Variants in TUBB4A observed in about 807,000 individuals in gnomAD.
TUBB4A encodes tubulin beta-4A chain.
Under a neutral mutation model 35.1 loss-of-function variants are expected in TUBB4A, and 13 were observed. The ratio of observed to expected loss-of-function variants is 0.37; its 90% CI spans 0.24 to 0.59. TUBB4A has a LOEUF of 0.59. Ranked by LOEUF, TUBB4A falls within the 20% of genes least tolerant of loss-of-function variation. The probability of loss-of-function intolerance (pLI) is 0.71; values close to 1 mark genes in which losing one functional copy is unlikely to be tolerated. For synonymous variants in TUBB4A, 279 were observed against 272.4 expected, an observed-to-expected ratio of 1.02 and a Z score of -0.24; for missense variants, 299 against 647.2, an observed-to-expected ratio of 0.46 and a Z score of 5.84.
intron 3 of TUBB4A, among the ~76,000 whole-genome samples, chr19:6,497,811 T>C (rs1393747621): frequency 7.0e-6 from 1 of 143,338 alleles, no homozygotes; most frequent in East Asian, 2.0e-4. Context: ...CGGGCGCCTG[T>C]AGTCCCAGCT....
rs371557242 is a variant in TUBB4A, at chr19:6,501,444, C to T, written c.167-47G>A. The T allele has an allele frequency of 5.0e-6, 8 of 1,604,800 alleles. No homozygotes were observed. The highest frequency in any genetic ancestry group is 6.8e-6 in the Non-Finnish European group (8 of 1,173,430). On this transcript the variant is annotated intron_variant, in intron 2 of 3. Transcript: ENST00000264071. The surrounding 1 kb of genome is among the most constrained non-coding windows in gnomAD (Gnocchi z 4.2). ...GCAGTTCGATGCGTGCCAGGAACCACAGGCGCCCGGTAGCATCCTGTTCCC... is the reference window on the plus strand; with the variant it reads ...GCAGTTCGATGCGTGCCAGGAACCATAGGCGCCCGGTAGCATCCTGTTCCC...
chr19:6,502,345 G>A, upstream of TUBB4A: 1 of 997,580 alleles, frequency 1.0e-6, no homozygotes, highest in Non-Finnish European at 1.4e-6. Flanking sequence ...ATATGAGCGG[G>A]CGGGGCACGC....
Position 6,501,660 on chromosome 19 carries a change from GAAGCCGGTGGCC to G in TUBB4A, c.58-49_58-38del, listed in dbSNP as rs1036512421. ...GGTGGTCGGAAGAGTTGAGAGAGGGGAAGCCGGTGGCCAAGCCGAGGACTGCCCCCAGCCCCC... is the reference window on the plus strand; with the variant it reads ...GGTGGTCGGAAGAGTTGAGAGAGGGGAAGCCGAGGACTGCCCCCAGCCCCC... On this transcript the variant is annotated intron_variant, in intron 1 of 3. Transcript: ENST00000264071. The surrounding 1 kb of genome is among the most constrained non-coding windows in gnomAD (Gnocchi z 4.2). 3 of 1,578,396 alleles carry G rather than the reference GAAGCCGGTGGCC, an allele frequency of 1.9e-6. No homozygotes were observed. The highest frequency in any genetic ancestry group is 2.6e-6 in the Non-Finnish European group (3 of 1,154,552).
chr19:6,494,812 A>T lies in TUBB4A; in HGVS notation c.*352T>A. The T allele has an allele frequency of 2.7e-6, 1 of 375,564 alleles. No individual in the cohort carries two copies. Among genetic ancestry groups the T allele is most frequent in the African/African-American group, 2.0e-5 (1 of 48,908 alleles). 23.3% of individuals were successfully genotyped at this position (375,564 alleles called of 1,614,324 possible). On this transcript the variant is annotated 3_prime_UTR_variant, in exon 4 of 4. Coordinates refer to ENST00000264071, the MANE Select transcript of TUBB4A (RefSeq NM_006087.4). Reference sequence around the variant, plus strand: ...AACCAGAACTTATAGGTCTAGAGGTAAAATGGGATTCATGGGGGGCAGAGG... The same window carrying T: ...AACCAGAACTTATAGGTCTAGAGGTTAAATGGGATTCATGGGGGGCAGAGG...
At chr19:6,498,210 CAA>C (rs33975406) in intron 3 of TUBB4A, among the ~76,000 whole-genome samples, 1 of 139,314 alleles carries the variant, frequency 7.2e-6, no homozygotes, top group Non-Finnish European at 1.5e-5. Flanking sequence ...GACTTTGTCT[CAA>C]AAAAAAAAAA....
chr19:6,495,042 G>C lies in TUBB4A; in HGVS notation c.*122C>G. On this transcript the variant is annotated 3_prime_UTR_variant, in exon 4 of 4. Coordinates refer to ENST00000264071, the MANE Select transcript of TUBB4A (RefSeq NM_006087.4). This position sits in a 1 kb window ranked among gnomAD's most constrained non-coding sequence, Gnocchi z 8.7. ...AGGTAAAGCGAGCTCCAAAGGTATT[G>C]TTAGGGTCAGCGGGGAGTCAGCCTT... 1.7e-6 allele frequency: 2 copies of C among 1,205,060 alleles called. No individual in the cohort carries two copies. The highest frequency in any genetic ancestry group is 2.3e-6 in the Non-Finnish European group (2 of 861,048). 74.6% of individuals were successfully genotyped at this position (1,205,060 alleles called of 1,614,324 possible). A position where few individuals can be genotyped will look rare whatever the true frequency, so the allele number is the denominator to read the frequency against.
rs752308629 is a variant in TUBB4A, at chr19:6,502,197, G to C, written c.16C>G (p.His6Asp). The change falls in exon 1 of 4, where the codon CAC (histidine) becomes GAC (aspartate). Residue 6 changes from histidine (H) to aspartate (D), a missense_variant. Physicochemically the swap from His to Asp is moderately conservative, Grantham distance 81 (BLOSUM62 -1). Transcript: ENST00000264071. ...TTGCCGCACTGGCCGGCCTGCAGGT[G>C]CACGATCTCCCGCATGGCGGTGGCG... is the stretch of plus-strand genomic sequence containing the variant. MREIV[H>D]LQAGQCGNQI... 6.4e-7 allele frequency: 1 copy of C among 1,571,408 alleles called. No homozygotes were observed. Among genetic ancestry groups the C allele is most frequent in the Non-Finnish European group, 8.6e-7 (1 of 1,166,944 alleles).
At chr19:6,497,053 AT>A in intron 3 of TUBB4A, among the ~76,000 whole-genome samples, 2 of 89,774 alleles carry the variant, frequency 2.2e-5, no homozygotes, top group African/African-American at 4.2e-5. Flanking sequence ...ATATATATAT[AT>A]ATATATATAT....
At chr19:6,500,243 C>T (rs989136508) in intron 3 of TUBB4A, among the ~76,000 whole-genome samples, 6 of 152,176 alleles carry the variant, frequency 3.9e-5, no homozygotes, top group Non-Finnish European at 8.8e-5. Context: ...ATTCTCCTAC[C>T]TTAGCCTCAC....
At chr19:6,500,168 G>A (rs1450459037) in intron 3 of TUBB4A, among the ~76,000 whole-genome samples, 1 of 152,038 alleles carries the variant, frequency 6.6e-6, no homozygotes, top group Non-Finnish European at 1.5e-5. Flanking sequence ...TCACACCATC[G>A]CTCAGGCTGG....
In TUBB4A at chr19:6,502,209, G is replaced by T. The variant is rs587776983; in HGVS notation, c.4C>A (p.Arg2=). 4.5e-6 allele frequency: 7 copies of T among 1,559,944 alleles called. No individual in the cohort carries two copies. Among genetic ancestry groups the T allele is most frequent in the Admixed American group, 1.8e-5 (1 of 55,660 alleles). Residue 2 remains arginine, a synonymous_variant, in exon 1 of 4, where the codon CGG becomes AGG. Coordinates refer to ENST00000264071, the MANE Select transcript of TUBB4A (RefSeq NM_006087.4). Reference sequence around the variant, plus strand: ...CCGGCCTGCAGGTGCACGATCTCCCGCATGGCGGTGGCGCTGAGGGTGGAC... The same window carrying T: ...CCGGCCTGCAGGTGCACGATCTCCCTCATGGCGGTGGCGCTGAGGGTGGAC... M[R]EIVHLQAGQC...
chr19:6,499,194 G>A (rs1914413246), intron 3 of TUBB4A, among the ~76,000 whole-genome samples: 2 of 152,072 alleles, frequency 1.3e-5, no homozygotes, highest in African/African-American at 4.8e-5. Context: ...TAGGTGTGGT[G>A]ATGCATGCCT....
At position 6,495,854 on chromosome 19, in the gene TUBB4A, G is replaced by C; in HGVS notation, c.645C>G (p.Leu215=). The part of the protein sequence containing the change: ...EALYDICFRT[L]KLTTPTYGDL... The stretch of plus-strand genomic sequence containing the variant: ...CCCCGTAGGTGGGGGTGGTCAGCTT[G>C]AGGGTGCGGAAACAGATGTCGTAGA... Residue 215 remains leucine, a synonymous_variant, in exon 4 of 4, where the codon CTC becomes CTG. Coordinates refer to ENST00000264071, the MANE Select transcript of TUBB4A (RefSeq NM_006087.4). This position sits in a 1 kb window ranked among gnomAD's most constrained non-coding sequence, Gnocchi z 8.7. 6.2e-7 allele frequency: 1 copy of C among 1,614,240 alleles called. No individual in the cohort carries two copies. Among genetic ancestry groups the C allele is most frequent in the South Asian group, 1.1e-5 (1 of 91,090 alleles).
At chr19:6,502,002 C>A (rs1400303229) in intron 1 of TUBB4A, among the ~76,000 whole-genome samples, 154 bp downstream of exon 1, 2 of 152,170 alleles carry the variant, frequency 1.3e-5, no homozygotes, top group African/African-American at 4.8e-5. Context: ...CACCCCCACC[C>A]CGCGACCCTT....
intron 3 of TUBB4A, among the ~76,000 whole-genome samples, chr19:6,498,966 G>T: frequency 6.6e-6 from 1 of 152,174 alleles, no homozygotes; most frequent in South Asian, 2.1e-4. Context: ...AGGACCAGAG[G>T]GCTTACAGTT....
chr19:6,498,089 T>C (rs1377062512), intron 3 of TUBB4A, among the ~76,000 whole-genome samples: 1 of 149,178 alleles, frequency 6.7e-6, no homozygotes, highest in Non-Finnish European at 1.5e-5. Context: ...TGGGTGCCTG[T>C]AGTCTCAGCT....
chr19:6,500,946 G>C (rs1248993707), intron 3 of TUBB4A: 1 of 239,460 alleles, frequency 4.2e-6, no homozygotes, highest in Non-Finnish European at 8.2e-6. Context: ...CCAGCTTCTA[G>C]AACAGGGCCT....
chr19:6,497,938 G>A (rs146790880), intron 3 of TUBB4A, among the ~76,000 whole-genome samples: 8 of 140,428 alleles, frequency 5.7e-5, no homozygotes, highest in South Asian at 4.6e-4. Context: ...TTGGCCAGGC[G>A]TGGTGGCTCA....
intron 3 of TUBB4A, among the ~76,000 whole-genome samples, chr19:6,499,073 C>A (rs1170737447): frequency 6.6e-6 from 1 of 152,106 alleles, no homozygotes; most frequent in Non-Finnish European, 1.5e-5. Flanking sequence ...GCCTGTAATC[C>A]CAGCACTTTG....
Sources: gnomAD v4.1 joint callset for allele counts (sites outside exome capture counted in the v4.1 genomes callset) on GRCh38, gnomAD v4.1.1 for gene constraint, Gnocchi (gnomAD v3.1) non-coding constraint, MANE v1.5 for transcripts, NCBI Gene and HGNC (gene_info 2026-07-23, HGNC 2026-07-21) for gene names.